Variants in SMCO1 observed in about 807,000 individuals in gnomAD.
SMCO1 encodes the protein single-pass membrane protein with coiled-coil domains 1.
A neutral mutation model predicts 7.5 loss-of-function variants in SMCO1; 9 were observed. The observed-to-expected ratio is 1.20, with a 90% confidence interval of 0.72 to 2.09. SMCO1 has a LOEUF of 2.09. Among genes scored for constraint, SMCO1 ranks in the 30% most tolerant of loss-of-function variants. The pLI, the probability that SMCO1 is intolerant of heterozygous loss-of-function variation, is 0.00. For missense variants in SMCO1, 219 were observed against 253.1 expected (o/e 0.87, Z 0.91); for synonymous variants, 90 against 93.8 (o/e 0.96, Z 0.23).
At position 196,507,845 on chromosome 3, in the gene SMCO1, T is replaced by TA; in HGVS notation, c.*41dup. The TA allele has an allele frequency of 7.7e-7, 1 of 1,302,314 alleles. No homozygotes were observed. The highest frequency in any genetic ancestry group is 1.1e-6 in the Non-Finnish European group (1 of 934,006). 80.7% of individuals were successfully genotyped at this position (1,302,314 alleles called of 1,614,324 possible). On this transcript the variant is annotated 3_prime_UTR_variant, in exon 3 of 3. Coordinates refer to ENST00000397537, the MANE Select transcript of SMCO1 (RefSeq NM_001077657.3). The stretch of plus-strand genomic sequence containing the variant: ...TGCATACTTTTTGCTGTTTCCAAGA[T>TA]AAATTACTGTAGGTGGAATCACTGG...
chr3:196,511,058 C>T (rs940633453), intron 1 of SMCO1, among the ~76,000 whole-genome samples: 2 of 150,894 alleles, frequency 1.3e-5, no homozygotes, highest in African/African-American at 4.9e-5. Flanking sequence ...CTAGATTGTC[C>T]TTATGAGGGA....
chr3:196,514,887 G>A (rs545992017), intron 1 of SMCO1, among the ~76,000 whole-genome samples: 14 of 152,160 alleles, frequency 9.2e-5, no homozygotes, highest in South Asian at 2.1e-4. Context: ...GACTACAGGC[G>A]CCCGCCACCA....
At chr3:196,514,761 T>C (rs1350443049) in intron 1 of SMCO1, among the ~76,000 whole-genome samples, 2 of 152,212 alleles carry the variant, frequency 1.3e-5, no homozygotes. Flanking sequence ...ATTCTTTTTT[T>C]GGACGGAGTC....
intron 1 of SMCO1, among the ~76,000 whole-genome samples, chr3:196,511,441 C>A (rs1577534409): frequency 1.0e-5 from 1 of 98,940 alleles, no homozygotes; most frequent in Non-Finnish European, 2.0e-5. Context: ...ATGAGGGAAA[C>A]CTGCCTGAGC....
chr3:196,510,930 C>T (rs1011265834), intron 1 of SMCO1, among the ~76,000 whole-genome samples: 2 of 152,310 alleles, frequency 1.3e-5, no homozygotes, highest in Admixed American at 1.3e-4. Flanking sequence ...TTCTGTAACC[C>T]AAAATGGGGA....
intron 1 of SMCO1, among the ~76,000 whole-genome samples, chr3:196,513,119 A>C (rs1444958181): frequency 6.6e-6 from 1 of 151,468 alleles, no homozygotes. Context: ...ACTTGAGTCC[A>C]GGAGTTTGAG....
At position 196,515,341 on chromosome 3, in the gene SMCO1, C is replaced by G. The variant is rs1733359740; in HGVS notation, c.-132G>C. The G allele has an allele frequency of 2.9e-6, 2 of 682,062 alleles. No individual in the cohort carries two copies. The highest frequency in any genetic ancestry group is 5.2e-6 in the Non-Finnish European group (2 of 383,060). 42.3% of individuals were successfully genotyped at this position (682,062 alleles called of 1,614,324 possible). ...GTAGCAGGAGCGCTCAGTCTACATT[C>G]TGCCTGAAAGGTCACTCAGTACAAG... is the stretch of plus-strand genomic sequence containing the variant. On this transcript the variant is annotated 5_prime_UTR_variant, in exon 1 of 3. Transcript: ENST00000397537.
rs116717850 is a variant in SMCO1 at position 196,507,976 on chromosome 3, C to T, written c.556G>A (p.Val186Met). ...GCTTTCCCCTTCTCAATTACCTGCA[C>T]AGCCCTCAGCAAACTGTCCTGCAGA... Reference protein sequence around the residue: ...QALQDSLLRAVQVIEKGKAVR... With the variant: ...QALQDSLLRAMQVIEKGKAVR... The change falls in exon 3 of 3, where the codon GTG becomes ATG. Residue 186 changes from valine (V) to methionine (M), a missense_variant. By Grantham distance (21) the Val-to-Met change is conservative (BLOSUM62 1). Coordinates refer to ENST00000397537, the MANE Select transcript of SMCO1 (RefSeq NM_001077657.3). 1.3e-3 allele frequency: 2,094 copies of T among 1,614,164 alleles called. 27 individuals carry two copies. In the African/African-American group the frequency reaches 0.024, roughly 18 times the overall value.
At chr3:196,518,303 A>G (rs1560287068), upstream of SMCO1, among the ~76,000 whole-genome samples, 1 of 152,218 alleles carries the variant, frequency 6.6e-6, no homozygotes, top group Non-Finnish European at 1.5e-5. Context: ...AAAGGGGGTT[A>G]TTCCATTTGG....
chr3:196,515,988 GATAT>G (rs200613159), upstream of SMCO1, among the ~76,000 whole-genome samples: 478 of 23,762 alleles, frequency 0.02, 7 homozygotes, highest in South Asian at 0.067. Context: ...AAGAGGATAG[GATAT>G]ATATATATAT....
intron 2 of SMCO1, 95 bp from the exon 3 acceptor site, chr3:196,508,426 TAGG>T: frequency 1.1e-6 from 1 of 910,622 alleles, no homozygotes; most frequent in South Asian, 2.1e-5. Flanking sequence ...ATGAACCCAC[TAGG>T]AGAACCAGCT....
At chr3:196,511,305 A>G (rs112284936) in intron 1 of SMCO1, among the ~76,000 whole-genome samples, 5 of 140,876 alleles carry the variant, frequency 3.5e-5, no homozygotes, top group African/African-American at 2.6e-5. Context: ...TGCCTGGGCC[A>G]CCTAGATTGT....
intron 1 of SMCO1, among the ~76,000 whole-genome samples, chr3:196,513,234 G>T (rs934685304): frequency 2.6e-5 from 4 of 151,936 alleles, no homozygotes; most frequent in Admixed American, 6.6e-5. Context: ...GGAAGCTGAG[G>T]TATGAGAATT....
intron 1 of SMCO1, among the ~76,000 whole-genome samples, chr3:196,513,905 C>T (rs1354022597): frequency 1.3e-5 from 2 of 152,124 alleles, no homozygotes; most frequent in East Asian, 1.9e-4. Flanking sequence ...CGTTAATGAC[C>T]TCACCATCCA....
chr3:196,515,983 GATAGGATATATATATATATATATATAT>G (rs1181975854), upstream of SMCO1, among the ~76,000 whole-genome samples: 63 of 81,870 alleles, frequency 7.7e-4, 3 homozygotes, highest in African/African-American at 1.5e-3. Context: ...CGGGCAAGAG[GATAGGATATATATATATATATATATAT>G]ATATATATAT....
At chr3:196,511,405 C>T (rs186917116) in intron 1 of SMCO1, among the ~76,000 whole-genome samples, 8,184 of 112,802 alleles carry the variant, frequency 0.073, 1,457 homozygotes, top group African/African-American at 0.33. Flanking sequence ...TGAGGGAAAC[C>T]TGCCTGGGCC....
intron 1 of SMCO1, among the ~76,000 whole-genome samples, chr3:196,511,896 C>T (rs1733246110): frequency 7.5e-6 from 1 of 133,510 alleles, no homozygotes; most frequent in Non-Finnish European, 1.5e-5. Flanking sequence ...TTGCCTGCGC[C>T]AAGTAGATTG....
At chr3:196,517,266 C>A (rs538395888), upstream of SMCO1, among the ~76,000 whole-genome samples, 25 of 151,734 alleles carry the variant, frequency 1.6e-4, no homozygotes, top group Admixed American at 3.9e-4. Flanking sequence ...CATAATGAGC[C>A]CCTTTTGATC....
chr3:196,508,066 T>C lies in SMCO1; in HGVS notation c.466A>G (p.Lys156Glu), dbSNP rs369710194. ...TCCCTGATGTACATCTGCCTCACTT[T>C]AGCAGTATAGTGTTCTGCCTTGTTA... ...RGNKAEHYTA[K>E]VRQMYIRDVT... The change falls in exon 3 of 3, where the codon AAA (lysine) becomes GAA (glutamate). Residue 156 changes from lysine (K) to glutamate (E), a missense_variant. Coordinates refer to ENST00000397537, the MANE Select transcript of SMCO1 (RefSeq NM_001077657.3). The C allele has an allele frequency of 1.2e-5, 19 of 1,614,114 alleles. 2 individuals carry two copies. In the South Asian group the frequency reaches 1.8e-4, roughly 15 times the overall value.
Sources: allele counts gnomAD v4.1 joint callset (sites outside exome capture counted in the v4.1 genomes callset), GRCh38; gene constraint gnomAD v4.1.1; transcripts MANE v1.5; gene names NCBI Gene and HGNC (gene_info 2026-07-23, HGNC 2026-07-21).